LINGO1: variants seen among roughly 807,000 people sequenced by gnomAD.
LINGO1 encodes the protein leucine-rich repeat and immunoglobulin-like domain-containing nogo receptor-interacting protein 1.
A neutral mutation model predicts 37.3 loss-of-function variants in LINGO1; 11 were observed. That is an observed-to-expected ratio of 0.29 (90% confidence interval 0.19 to 0.49). The LOEUF (loss-of-function observed/expected upper bound fraction) is 0.49. Among genes scored for constraint, LINGO1 ranks in the 20% least tolerant of loss-of-function variants. LINGO1 has a pLI of 0.99. For missense variants in LINGO1, 585 were observed against 878.2 expected (o/e 0.67, Z 4.22); for synonymous variants, 387 against 403.0 (o/e 0.96, Z 0.48).
rs779801509 is a variant in LINGO1, at chr15:77,689,832, C to CA, written c.-99+887dup. Among the ~76,000 whole-genome samples, 7 of 152,148 alleles carry CA rather than the reference C, an allele frequency of 4.6e-5. No homozygotes were observed. The East Asian group carries it at 9.6e-4, about 21-fold the overall frequency. The stretch of plus-strand genomic sequence containing the variant: ...TCTAAGTTCAAAAAAAAGAAACAAA[C>CA]AAAAAAACCAAACCAGCGATGTCCC... On this transcript the variant is annotated intron_variant, in intron 2 of 3. Coordinates refer to the LINGO1 transcript ENST00000559893.
chr15:77,624,097 TGTG>T (rs1404499711), intron 1 of LINGO1, among the ~76,000 whole-genome samples: 1 of 145,264 alleles, frequency 6.9e-6, no homozygotes, highest in Non-Finnish European at 1.5e-5. Context: ...CTGTGAGTGA[TGTG>T]TGTGTGTGGA....
chr15:77,756,723 G>C (rs1443880734), intron 1 of LINGO1, among the ~76,000 whole-genome samples: 1 of 152,210 alleles, frequency 6.6e-6, no homozygotes, highest in Non-Finnish European at 1.5e-5. Context: ...ATGCTAACTT[G>C]AAAGACAATT....
chr15:77,816,846 A>G (rs2077052003), intron 1 of LINGO1, among the ~76,000 whole-genome samples: 1 of 152,156 alleles, frequency 6.6e-6, no homozygotes, highest in South Asian at 2.1e-4. Flanking sequence ...GGCATGGATG[A>G]TAGGGGTGGA....
intron 1 of LINGO1, among the ~76,000 whole-genome samples, chr15:77,804,405 A>G (rs1411752253): frequency 6.6e-6 from 1 of 152,028 alleles, no homozygotes; most frequent in African/African-American, 2.4e-5. Flanking sequence ...GAGTCCCTAG[A>G]AGTAGATGGC....
intron 1 of LINGO1, among the ~76,000 whole-genome samples, chr15:77,799,813 T>C (rs1567591163): frequency 1.3e-5 from 2 of 151,916 alleles, no homozygotes; most frequent in Non-Finnish European, 2.9e-5. Flanking sequence ...TTCTTTTTTT[T>C]TGAGGGATGG....
At chr15:77,790,792 G>A (rs537418989), upstream of LINGO1, among the ~76,000 whole-genome samples, 3 of 152,322 alleles carry the variant, frequency 2.0e-5, no homozygotes, top group African/African-American at 7.2e-5. Context: ...ACTTCAGGGA[G>A]GCGGATTCAG....
chr15:77,623,430 C>T (rs1440219128), intron 1 of LINGO1, among the ~76,000 whole-genome samples: 1 of 152,218 alleles, frequency 6.6e-6, no homozygotes, highest in Non-Finnish European at 1.5e-5. Flanking sequence ...CTAATCCCCG[C>T]TGAGGTGTGA....
intron 1 of LINGO1, among the ~76,000 whole-genome samples, chr15:77,801,548 T>A (rs1237801663): frequency 6.6e-6 from 1 of 151,972 alleles, no homozygotes; most frequent in Non-Finnish European, 1.5e-5. Context: ...TATTGTTGGG[T>A]CTTCTGTTGT....
rs551533161 is a variant in LINGO1 at position 77,807,192 on chromosome 15, C to T, written c.-457-11139G>A. 5.3e-5 allele frequency among the ~76,000 whole-genome samples: 8 copies of T among 152,374 alleles called. No homozygotes were observed. In the South Asian group the frequency reaches 1.5e-3, roughly 28 times the overall value. On this transcript the variant is annotated intron_variant, in intron 1 of 5. Coordinates refer to the LINGO1 transcript ENST00000562933. Reference sequence around the variant, plus strand: ...CTGCAGCCTTCCCCGAGTACCCCGGCATGCCCTGCTCTGGGCTCCTCATAC... The same window carrying T: ...CTGCAGCCTTCCCCGAGTACCCCGGTATGCCCTGCTCTGGGCTCCTCATAC...
intron 3 of LINGO1, among the ~76,000 whole-genome samples, chr15:77,671,907 T>G (rs2075255934): frequency 6.6e-6 from 1 of 152,206 alleles, no homozygotes; most frequent in Admixed American, 6.5e-5. Context: ...AGACAGGTCC[T>G]GGCTCTGAGT....
intron 2 of LINGO1, among the ~76,000 whole-genome samples, chr15:77,689,047 T>C (rs1342504705): frequency 1.3e-5 from 2 of 152,074 alleles, no homozygotes; most frequent in African/African-American, 4.8e-5. Context: ...AGAGGCTTCC[T>C]GGAGAAGAAG....
chr15:77,726,367 G>A (rs1250919767), intron 2 of LINGO1, among the ~76,000 whole-genome samples: 2 of 152,234 alleles, frequency 1.3e-5, no homozygotes, highest in East Asian at 1.9e-4. Flanking sequence ...TGGCCTGGGT[G>A]CAGCAAGACC....
intron 1 of LINGO1, among the ~76,000 whole-genome samples, chr15:77,776,526 AAGGGAGGGAGGGAGGG>A (rs56325112): frequency 2.8e-5 from 1 of 35,786 alleles, no homozygotes; most frequent in South Asian, 1.1e-3. Flanking sequence ...GGAAGGGAGG[AAGGGAGGGAGGGAGGG>A]AGGGAGGGAG....
chr15:77,684,857 T>C (rs1163153334), intron 2 of LINGO1, among the ~76,000 whole-genome samples: 9 of 152,134 alleles, frequency 5.9e-5, no homozygotes, highest in Admixed American at 5.9e-4. Context: ...CTGCCCTCCA[T>C]GCAGCTGCCA....
At chr15:77,666,039 G>T (rs1369333917) in intron 3 of LINGO1, among the ~76,000 whole-genome samples, 1 of 152,234 alleles carries the variant, frequency 6.6e-6, no homozygotes, top group Non-Finnish European at 1.5e-5. Context: ...GCGAGGACCT[G>T]TTTATCTCAG....
At position 77,748,430 on chromosome 15, in the gene LINGO1, T is replaced by G. The variant is rs183982498; in HGVS notation, c.-256-13377A>C. Among the ~76,000 whole-genome samples, 31 of 151,856 alleles carry G rather than the reference T, an allele frequency of 2.0e-4. No homozygotes were observed. The East Asian group carries it at 5.8e-3, about 28-fold the overall frequency. ...TTACAGTGTCACTGCAGGGATTCCA[T>G]GAGAGAAGATCAGGAAGAAGCCCAG... On this transcript the variant is annotated intron_variant, in intron 1 of 3. Coordinates refer to the LINGO1 transcript ENST00000561686.
At chr15:77,737,456 G>A (rs1295936461) in intron 1 of LINGO1, among the ~76,000 whole-genome samples, 6 of 152,022 alleles carry the variant, frequency 3.9e-5, no homozygotes, top group Non-Finnish European at 5.9e-5. Flanking sequence ...GGAGGAAGGG[G>A]AGGAAGGAGG....
At chr15:77,790,455 C>T (rs895273880), upstream of LINGO1, among the ~76,000 whole-genome samples, 1 of 152,230 alleles carries the variant, frequency 6.6e-6, no homozygotes, top group Non-Finnish European at 1.5e-5. Context: ...GCTGGAACAA[C>T]AGACACACAG....
chr15:77,794,123 C>T (rs1362234347), intron 2 of LINGO1, among the ~76,000 whole-genome samples: 6 of 152,092 alleles, frequency 3.9e-5, no homozygotes, highest in Non-Finnish European at 5.9e-5. Flanking sequence ...AGGCTGCTCA[C>T]GCTCCTGCCC....
Sources: gnomAD v4.1 joint callset for allele counts (sites outside exome capture counted in the v4.1 genomes callset) on GRCh38, gnomAD v4.1.1 for gene constraint, MANE v1.5 for transcripts, NCBI Gene and HGNC (gene_info 2026-07-23, HGNC 2026-07-21) for gene names.